The following CBLB variants were observed in gnomAD, a reference collection of about 807,000 sequenced individuals.
CBLB encodes the protein Cbl proto-oncogene B, also known as E3 ubiquitin-protein ligase CBL-B.
Under a neutral mutation model 104.9 loss-of-function variants are expected in CBLB, and 31 were observed. That is an observed-to-expected ratio of 0.30 (90% CI 0.22 to 0.40). The LOEUF is 0.40. CBLB is among the 10% of genes least tolerant of loss of function. The probability of loss-of-function intolerance (pLI) is 1.00; values close to 1 mark genes in which losing one functional copy is unlikely to be tolerated. For missense variants in CBLB, 1,062 were observed against 1,214.6 expected (o/e 0.87, Z 1.87); for synonymous variants, 440 against 422.6 (o/e 1.04, Z -0.51).
intron 4 of CBLB, among the ~76,000 whole-genome samples, chr3:105,757,307 T>G (rs1217511110): frequency 6.6e-6 from 1 of 152,154 alleles, no homozygotes; most frequent in Non-Finnish European, 1.5e-5. Flanking sequence ...TACTGCTACA[T>G]GCAAGTAAAG....
At chr3:105,765,049 A>G (rs79086761) in intron 4 of CBLB, among the ~76,000 whole-genome samples, 2,457 of 152,338 alleles carry the variant, frequency 0.016, 36 homozygotes, top group Non-Finnish European at 0.024. Context: ...CTCTAACATA[A>G]AAGTGCAAGG....
intron 8 of CBLB, among the ~76,000 whole-genome samples, chr3:105,734,790 G>A (rs73854396): frequency 3.3e-5 from 5 of 152,088 alleles, no homozygotes; most frequent in Admixed American, 6.5e-5. Flanking sequence ...AAGTGCATAC[G>A]CTTTCCCTAA....
Position 105,693,589 on chromosome 3 carries a change from C to G in CBLB, c.1960-1G>C. The G allele has an allele frequency of 6.2e-7, 1 of 1,604,386 alleles. No individual in the cohort carries two copies. Among genetic ancestry groups the G allele is most frequent in the Non-Finnish European group, 8.5e-7 (1 of 1,171,756 alleles). On this transcript the variant is annotated splice_acceptor_variant, in intron 12 of 18. Coordinates refer to ENST00000394030, the MANE Select transcript of CBLB (RefSeq NM_170662.5). LOFTEE classifies it high-confidence loss of function. ...TTCCAAGGTGACCATTGGAAAAGACCTGAAAGTAAATCAAATTGTTAGTTT... is the reference window on the plus strand; with the variant it reads ...TTCCAAGGTGACCATTGGAAAAGACGTGAAAGTAAATCAAATTGTTAGTTT...
At chr3:105,869,279 C>A (rs994611533), upstream of CBLB, 3 of 947,416 alleles carry the variant, frequency 3.2e-6, no homozygotes, top group Admixed American at 6.9e-5. Flanking sequence ...CTCCCGGGAA[C>A]GAAAGTGGAA....
chr3:105,686,367 G>T (rs2066999001), intron 13 of CBLB, among the ~76,000 whole-genome samples: 1 of 151,758 alleles, frequency 6.6e-6, no homozygotes, highest in South Asian at 2.1e-4. Context: ...AGTTTGCAAG[G>T]CATTGGGAAT....
intron 3 of CBLB, among the ~76,000 whole-genome samples, chr3:105,811,537 G>A (rs2084293513): frequency 6.6e-6 from 1 of 152,130 alleles, no homozygotes; most frequent in Non-Finnish European, 1.5e-5. Flanking sequence ...TGAGCTCTGT[G>A]GATGACAGTA....
intron 17 of CBLB, chr3:105,671,238 G>A (rs536818848): frequency 4.9e-6 from 1 of 203,432 alleles, no homozygotes; most frequent in Middle Eastern, 1.6e-3. Context: ...TGAAAACCTT[G>A]GTTCACTAAT....
chr3:105,725,535 T>C (rs2049010893), intron 9 of CBLB, among the ~76,000 whole-genome samples: 1 of 152,212 alleles, frequency 6.6e-6, no homozygotes, highest in African/African-American at 2.4e-5. Flanking sequence ...CCAGATTTTA[T>C]TTTCTCATAT....
At chr3:105,777,240 A>G (rs560710426) in intron 3 of CBLB, among the ~76,000 whole-genome samples, 2 of 152,358 alleles carry the variant, frequency 1.3e-5, no homozygotes, top group African/African-American at 4.8e-5. Context: ...ACTCCTACCT[A>G]AATATCAGAT....
At chr3:105,694,759 C>T (rs2068122176) in intron 12 of CBLB, among the ~76,000 whole-genome samples, 1 of 151,682 alleles carries the variant, frequency 6.6e-6, no homozygotes, top group African/African-American at 2.4e-5. Flanking sequence ...GCTTTAGTAC[C>T]AATTTCTCTT....
intron 3 of CBLB, among the ~76,000 whole-genome samples, chr3:105,825,858 A>T (rs2086489482): frequency 6.6e-6 from 1 of 152,212 alleles, no homozygotes; most frequent in South Asian, 2.1e-4. Context: ...TTTCCAGTAC[A>T]ATAAACAATG....
intron 4 of CBLB, among the ~76,000 whole-genome samples, chr3:105,756,694 A>G (rs1234397050): frequency 1.3e-5 from 2 of 152,216 alleles, no homozygotes; most frequent in African/African-American, 4.8e-5. Flanking sequence ...TACTCTTTAC[A>G]TTAATTAAGA....
chr3:105,722,198 C>CAAAAAAAAAAAA (rs5851468), intron 9 of CBLB, among the ~76,000 whole-genome samples: 21 of 84,408 alleles, frequency 2.5e-4, no homozygotes, highest in African/African-American at 8.5e-4. Context: ...GACCCCGTGC[C>CAAAAAAAAAAAA]AAAAAAAAAA....
Position 105,693,604 on chromosome 3 carries a change from A to G in CBLB, c.1960-16T>C, listed in dbSNP as rs780501329. ...TGGAAAAGACCTGAAAGTAAATCAAATTGTTAGTTTCCAAGAATTTAACTT... is the reference window on the plus strand; with the variant it reads ...TGGAAAAGACCTGAAAGTAAATCAAGTTGTTAGTTTCCAAGAATTTAACTT... On this transcript the variant is annotated splice_polypyrimidine_tract_variant and intron_variant, in intron 12 of 18. Coordinates refer to ENST00000394030, the MANE Select transcript of CBLB (RefSeq NM_170662.5). The G allele has an allele frequency of 6.4e-7, 1 of 1,564,124 alleles. No individual in the cohort carries two copies. Among genetic ancestry groups the G allele is most frequent in the Non-Finnish European group, 8.8e-7 (1 of 1,135,712 alleles).
chr3:105,863,023 GATAA>G (rs1231431487), intron 2 of CBLB, among the ~76,000 whole-genome samples: 1 of 152,134 alleles, frequency 6.6e-6, no homozygotes, highest in East Asian at 1.9e-4. Flanking sequence ...GTTGAGATTT[GATAA>G]ATGAATGATG....
rs1398938823 is a variant in CBLB, at chr3:105,726,679, G to A, written c.1204-6429C>T. Among the ~76,000 whole-genome samples, 4 of 151,770 alleles carry A rather than the reference G, an allele frequency of 2.6e-5. No individual in the cohort carries two copies. In the East Asian group the frequency reaches 7.7e-4, roughly 29 times the overall value. On this transcript the variant is annotated intron_variant, in intron 9 of 18. Transcript: ENST00000394030. ...TCAACCAGTCATCTACATTAGGTAT[G>A]TCTCCTAAAGCTATCCCTCCCCTTG...
intron 8 of CBLB, among the ~76,000 whole-genome samples, chr3:105,736,060 G>A (rs1387810702): frequency 6.6e-6 from 1 of 152,078 alleles, no homozygotes; most frequent in Non-Finnish European, 1.5e-5. Flanking sequence ...AGGAAATCTG[G>A]AGAATTATAA....
intron 3 of CBLB, among the ~76,000 whole-genome samples, chr3:105,803,715 T>C (rs2083169565): frequency 6.6e-6 from 1 of 152,238 alleles, no homozygotes; most frequent in Non-Finnish European, 1.5e-5. Context: ...GGAAGTTGAT[T>C]AATATAACAA....
At chr3:105,831,258 C>T (rs1463783333) in intron 3 of CBLB, among the ~76,000 whole-genome samples, 2 of 152,190 alleles carry the variant, frequency 1.3e-5, no homozygotes, top group South Asian at 2.1e-4. Context: ...CTAAGCTAGG[C>T]GTATACTCCC....
Sources: gnomAD v4.1 joint callset for allele counts (sites outside exome capture counted in the v4.1 genomes callset) on GRCh38, gnomAD v4.1.1 for gene constraint, MANE v1.5 for transcripts, NCBI Gene and HGNC (gene_info 2026-07-23, HGNC 2026-07-21) for gene names.